Variants in CD163L1 observed in about 807,000 individuals in gnomAD.
CD163L1 encodes the protein CD163 molecule like 1.
Under a neutral mutation model 165.4 loss-of-function variants are expected in CD163L1, and 124 were observed. The observed-to-expected ratio is 0.75, with a 90% CI of 0.65 to 0.87. The LOEUF is 0.87. CD163L1 is among the 40% of genes least tolerant of loss of function. The probability of loss-of-function intolerance (pLI) is 0.00; values close to 1 mark genes in which losing one functional copy is unlikely to be tolerated. For synonymous variants in CD163L1, 585 were observed against 662.2 expected (o/e 0.88, Z 1.79); for missense variants, 1,525 against 1,799.9 (o/e 0.85, Z 2.76).
chr12:7,433,777 T>C, intron 2 of CD163L1, 83 bp from the exon 3 acceptor site: 1 of 1,010,494 alleles, frequency 9.9e-7, no homozygotes, highest in Non-Finnish European at 1.5e-6. Context: ...TGGATGATGA[T>C]CATTTAGTTT....
intron 2 of CD163L1, chr12:7,438,768 T>G: frequency 7.1e-7 from 1 of 1,410,018 alleles, no homozygotes; most frequent in Non-Finnish European, 9.6e-7. Context: ...CTGCCTCCCG[T>G]GGCCCTTACC....
At position 7,401,816 on chromosome 12, in the gene CD163L1, AT is replaced by A. The variant is rs556159087; in HGVS notation, c.1408+1718del. 7.5e-3 allele frequency among the ~76,000 whole-genome samples: 1,127 copies of A among 149,422 alleles called. 21 individuals carry two copies. Among genetic ancestry groups the A allele is most frequent in the Admixed American group, 0.028 (417 of 14,930 alleles). On this transcript the variant is annotated intron_variant, in intron 6 of 19. Coordinates refer to ENST00000313599, the MANE Select transcript of CD163L1 (RefSeq NM_174941.6). ...GCGTTGCATGTGGATTTAAAAAATT[AT>A]TTTTTTTTTGTATTTTGACCTTTTC...
intron 9 of CD163L1, among the ~76,000 whole-genome samples, chr12:7,378,480 C>T (rs924838306): frequency 6.6e-6 from 1 of 152,156 alleles, no homozygotes; most frequent in Non-Finnish European, 1.5e-5. Flanking sequence ...CATAAATAAC[C>T]TTTCCCTTGC....
At chr12:7,418,292 C>G (rs1948285709) in intron 4 of CD163L1, among the ~76,000 whole-genome samples, 1 of 151,944 alleles carries the variant, frequency 6.6e-6, no homozygotes, top group Non-Finnish European at 1.5e-5. Context: ...AGCATTGGGT[C>G]AACAATGAAA....
chr12:7,396,841 A>C (rs1947787499), intron 7 of CD163L1, among the ~76,000 whole-genome samples: 2 of 149,548 alleles, frequency 1.3e-5, no homozygotes, highest in African/African-American at 4.9e-5. Context: ...ACATACATAC[A>C]TATGCACACA....
At chr12:7,348,086 G>GT (rs1274190326) in intron 4 of CD163L1, among the ~76,000 whole-genome samples, 3 of 152,184 alleles carry the variant, frequency 2.0e-5, no homozygotes, top group Admixed American at 6.5e-5. Context: ...TTAGAAATTT[G>GT]TTTTTTTCTT....
At chr12:7,335,305 T>C in the CD163L1 span, among the ~76,000 whole-genome samples, 2 of 152,054 alleles carry the variant, frequency 1.3e-5, no homozygotes, top group African/African-American at 4.8e-5. Flanking sequence ...TATAGACCAA[T>C]GGAACAGAAC....
At position 7,406,673 on chromosome 12, in the gene CD163L1, G is replaced by C. The variant is rs1948022533; in HGVS notation, c.946C>G (p.His316Asp). 8 of 1,614,066 alleles carry C rather than the reference G, an allele frequency of 5.0e-6. No individual in the cohort carries two copies. The highest frequency in any genetic ancestry group is 6.8e-6 in the Non-Finnish European group (8 of 1,179,994). The change falls in exon 5 of 20, where the codon CAT (histidine) becomes GAT (aspartate). Residue 316 changes from histidine (H) to aspartate (D), a missense_variant. Physicochemically the swap from His to Asp is moderately conservative, Grantham distance 81 (BLOSUM62 -1). Coordinates refer to ENST00000313599, the MANE Select transcript of CD163L1 (RefSeq NM_174941.6). ...ACAACATCAGACCCTGACTGCAAAT[G>C]AGGCAAGCCAGCGAAGTGAAGTGCG... ...GTALHFAGLP[H>D]LQSGSDVVWL... is the part of the protein sequence containing the mutation.
intron 4 of CD163L1, among the ~76,000 whole-genome samples, chr12:7,431,278 G>A (rs902365233): frequency 4.6e-5 from 7 of 151,954 alleles, no homozygotes; most frequent in African/African-American, 1.2e-4. Flanking sequence ...GTAGCCGGGC[G>A]TGGTTGCGGG....
chr12:7,356,341 T>C (rs1946774111), intron 19 of CD163L1, among the ~76,000 whole-genome samples: 1 of 152,084 alleles, frequency 6.6e-6, no homozygotes, highest in Non-Finnish European at 1.5e-5. Flanking sequence ...ATCTAAATGG[T>C]TTTTGTGTAC....
At chr12:7,340,176 C>A in the CD163L1 span, among the ~76,000 whole-genome samples, 1 of 151,980 alleles carries the variant, frequency 6.6e-6, no homozygotes, top group African/African-American at 2.4e-5. Flanking sequence ...CTATAGATAC[C>A]CTGAAGAGGT....
At chr12:7,429,067 G>A (rs1445224792) in intron 4 of CD163L1, among the ~76,000 whole-genome samples, 2 of 151,938 alleles carry the variant, frequency 1.3e-5, no homozygotes, top group Admixed American at 6.6e-5. Flanking sequence ...GTGTAGCAAA[G>A]TTTAATAAAC....
intron 4 of CD163L1, among the ~76,000 whole-genome samples, chr12:7,426,240 A>G (rs1328690284): frequency 2.0e-5 from 3 of 152,280 alleles, no homozygotes; most frequent in Admixed American, 6.5e-5. Context: ...GAGTTGAACA[A>G]TGAGAACAGA....
At chr12:7,339,763 A>G in the CD163L1 span, among the ~76,000 whole-genome samples, 6 of 152,064 alleles carry the variant, frequency 3.9e-5, no homozygotes, top group African/African-American at 1.4e-4. Flanking sequence ...TATACTTGTG[A>G]TATTTCTCTT....
At chr12:7,419,175 G>T (rs1212337528) in intron 4 of CD163L1, among the ~76,000 whole-genome samples, 2 of 152,006 alleles carry the variant, frequency 1.3e-5, no homozygotes, top group Non-Finnish European at 2.9e-5. Flanking sequence ...ATGATCAAGT[G>T]GGTTTCATAC....
chr12:7,379,013 C>T lies in CD163L1; in HGVS notation c.2336G>A (p.Cys779Tyr). The T allele has an allele frequency of 6.2e-7, 1 of 1,611,108 alleles. No individual in the cohort carries two copies. Among genetic ancestry groups the T allele is most frequent in the Non-Finnish European group, 8.5e-7 (1 of 1,177,370 alleles). ...CAAACTTGCTTCCATATTTAAATGACACGCAGTCTGTTTCCACTCCCATCG... is the reference window on the plus strand; with the variant it reads ...CAAACTTGCTTCCATATTTAAATGATACGCAGTCTGTTTCCACTCCCATCG... ...CIRWEWKQTA[C>Y]HLNMEASLIC... is the part of the protein sequence containing the mutation. Residue 779 changes from cysteine (C) to tyrosine (Y), a missense_variant, in exon 9 of 20, where the codon TGT becomes TAT. Physicochemically the swap from Cys to Tyr is radical, Grantham distance 194 (BLOSUM62 -2). Coordinates refer to ENST00000313599, the MANE Select transcript of CD163L1 (RefSeq NM_174941.6).
In CD163L1 at chr12:7,441,193, T is replaced by G. The variant is rs1464248779; in HGVS notation, c.85A>C (p.Ile29Leu). The change falls in exon 2 of 20, where the codon ATC becomes CTC. Residue 29 changes from isoleucine to leucine, a missense_variant. By Grantham distance (5) the Ile-to-Leu change is conservative. Coordinates refer to ENST00000313599, the MANE Select transcript of CD163L1 (RefSeq NM_174941.6). ...QNLFSAVVTC[I>L]LLLNSCFLIS... Reference sequence around the variant, plus strand: ...AGAAAGCAGGAATTCAGGAGCAGGATGCAAGTTACCACAGCAGAGAAAAGG... The same window carrying G: ...AGAAAGCAGGAATTCAGGAGCAGGAGGCAAGTTACCACAGCAGAGAAAAGG... The G allele has an allele frequency of 6.2e-7, 1 of 1,614,002 alleles. No homozygotes were observed. Among genetic ancestry groups the G allele is most frequent in the Non-Finnish European group, 8.5e-7 (1 of 1,180,004 alleles).
intron 4 of CD163L1, 61 bp from the exon 5 acceptor site, chr12:7,406,913 A>C: frequency 7.0e-7 from 1 of 1,421,866 alleles, no homozygotes; most frequent in Non-Finnish European, 9.8e-7. Flanking sequence ...TTCAGATTCC[A>C]GATCCTGCTA....
chr12:7,375,436 G>A lies in CD163L1; in HGVS notation c.2846C>T (p.Thr949Ile), dbSNP rs773444567. The A allele has an allele frequency of 1.2e-6, 2 of 1,614,168 alleles. No individual in the cohort carries two copies. Among genetic ancestry groups the A allele is most frequent in the South Asian group, 2.2e-5 (2 of 91,084 alleles). ...RQLSCGTALS[T>I]TGGKYIGERS... The stretch of plus-strand genomic sequence containing the variant: ...TTCTCCAATATATTTTCCTCCTGTG[G>A]TTGAGAGAGCAGTCCCACAGCTGAG... The change falls in exon 11 of 20, where the codon ACC (threonine) becomes ATC (isoleucine). Residue 949 changes from threonine to isoleucine, a missense_variant. Transcript: ENST00000313599.
Sources: gnomAD v4.1 joint callset for allele counts (sites outside exome capture counted in the v4.1 genomes callset) on GRCh38, gnomAD v4.1.1 for gene constraint, MANE v1.5 for transcripts, NCBI Gene and HGNC (gene_info 2026-07-23, HGNC 2026-07-21) for gene names.